ARAP2: variants seen among roughly 807,000 people sequenced by gnomAD.
ARAP2 encodes ArfGAP with RhoGAP domain, ankyrin repeat and PH domain 2.
In ARAP2, 148 loss-of-function variants were observed where a neutral mutation model predicts 194.5. The observed-to-expected ratio is 0.76, with a 90% CI of 0.67 to 0.87. The LOEUF (loss-of-function observed/expected upper bound fraction) is 0.87. ARAP2 is among the 40% of genes least tolerant of loss of function. The pLI is 0.00. For synonymous variants in ARAP2, 695 were observed against 683.5 expected, an observed-to-expected ratio of 1.02 and a Z score of -0.26; for missense variants, 2,128 against 1,989.7, an observed-to-expected ratio of 1.07 and a Z score of -1.32.
chr4:36,068,026 T>C lies in ARAP2; in HGVS notation c.4996A>G (p.Lys1666Glu). 3.1e-6 allele frequency: 5 copies of C among 1,614,198 alleles called. No homozygotes were observed. Among genetic ancestry groups the C allele is most frequent in the Non-Finnish European group, 4.2e-6 (5 of 1,180,006 alleles). Residue 1666 changes from lysine (K) to glutamate (E), a missense_variant, in exon 33 of 33, where the codon AAA becomes GAA. By Grantham distance (56) the Lys-to-Glu change is moderately conservative (BLOSUM62 1). Transcript: ENST00000303965. The stretch of plus-strand genomic sequence containing the variant: ...TTATGATCAGAGTCCAAAGTAGCTT[T>C]GCTATTCCTGTCCTCAGTCTTCCTC... ...TLRKTEDRNS[K>E]ATLDSDHKLP...
At chr4:36,093,158 A>G (rs1193399796) in intron 27 of ARAP2, among the ~76,000 whole-genome samples, 1 of 152,042 alleles carries the variant, frequency 6.6e-6, no homozygotes, top group Non-Finnish European at 1.5e-5. Context: ...AAATGATGAG[A>G]ACACGTGGAC....
At chr4:36,231,268 G>A (rs933517381) in intron 1 of ARAP2, among the ~76,000 whole-genome samples, 12 of 152,076 alleles carry the variant, frequency 7.9e-5, no homozygotes, top group Admixed American at 5.9e-4. Flanking sequence ...CTTGGGAGGC[G>A]GAGGTTGCAG....
chr4:36,104,125 T>C (rs547976170), intron 27 of ARAP2, among the ~76,000 whole-genome samples: 334 of 152,050 alleles, frequency 2.2e-3, no homozygotes, highest in Admixed American at 5.9e-3. Context: ...AGGGCAACTC[T>C]ATGTTTTAAC....
Position 36,228,609 on chromosome 4 carries a change from G to A in ARAP2, c.878C>T (p.Pro293Leu). ...CCCAGAAACTCCTTTTGTTGACCCT[G>A]GAATCTCTGGTACAGGTCGATGTCT... The part of the protein sequence containing the change: ...LLRHRPVPEI[P>L]GSTKGVSGSY... The change falls in exon 2 of 33, where the codon CCA (proline) becomes CTA (leucine). Residue 293 changes from proline (P) to leucine (L), a missense_variant. Physicochemically the swap from Pro to Leu is moderately conservative, Grantham distance 98 (BLOSUM62 -3). Coordinates refer to ENST00000303965, the MANE Select transcript of ARAP2 (RefSeq NM_015230.4). The A allele has an allele frequency of 6.2e-7, 1 of 1,605,116 alleles. No individual in the cohort carries two copies. The highest frequency in any genetic ancestry group is 8.5e-7 in the Non-Finnish European group (1 of 1,174,786).
At chr4:36,174,379 TTA>T (rs1737344479) in intron 9 of ARAP2, among the ~76,000 whole-genome samples, 1 of 152,168 alleles carries the variant, frequency 6.6e-6, no homozygotes, top group African/African-American at 2.4e-5. Context: ...GACATTTAAT[TTA>T]TGTGATATTA....
At chr4:36,196,430 C>T (rs1012760217) in intron 6 of ARAP2, among the ~76,000 whole-genome samples, 6 of 152,220 alleles carry the variant, frequency 3.9e-5, no homozygotes, top group Admixed American at 1.3e-4. Context: ...CACCCTACCA[C>T]TGGCTCTCTG....
chr4:36,110,370 G>C (rs957410811), intron 26 of ARAP2, among the ~76,000 whole-genome samples: 4 of 151,858 alleles, frequency 2.6e-5, no homozygotes, highest in Non-Finnish European at 5.9e-5. Flanking sequence ...ATCATAGTAG[G>C]TATGAGGAAG....
At chr4:36,017,147 A>G (rs980864356) in intron 6 of ARAP2, among the ~76,000 whole-genome samples, 11 of 151,808 alleles carry the variant, frequency 7.2e-5, no homozygotes, top group Admixed American at 2.6e-4. Context: ...CATGAAACTC[A>G]TATTCAAATA....
chr4:36,164,639 C>T (rs1454374176), intron 11 of ARAP2, among the ~76,000 whole-genome samples: 2 of 152,164 alleles, frequency 1.3e-5, no homozygotes, highest in African/African-American at 4.8e-5. Context: ...AACATACTCA[C>T]CTAAAATCTA....
intron 10 of ARAP2, chr4:36,005,606 CT>C (rs1269891953): frequency 3.9e-5 from 6 of 152,058 alleles, no homozygotes; most frequent in Non-Finnish European, 7.4e-5. Context: ...ACAAATGAGG[CT>C]AGTCAAAATT....
intron 17 of ARAP2, among the ~76,000 whole-genome samples, chr4:36,148,001 A>C (rs765907019): frequency 1.2e-4 from 19 of 152,156 alleles, no homozygotes; most frequent in Non-Finnish European, 2.4e-4. Context: ...CATTCTCTTA[A>C]CTGATTTGTG....
At position 36,067,736 on chromosome 4, in the gene ARAP2, CA is replaced by C; in HGVS notation, c.*170del. 1 of 604,636 alleles carries C rather than the reference CA, an allele frequency of 1.7e-6. No individual in the cohort carries two copies. The highest frequency in any genetic ancestry group is 2.6e-6 in the Non-Finnish European group (1 of 377,646). 37.5% of individuals were successfully genotyped at this position (604,636 alleles called of 1,614,324 possible). On this transcript the variant is annotated 3_prime_UTR_variant, in exon 33 of 33. Transcript: ENST00000303965. ...ACCAAAATAAAGTTAATCTTACATT[CA>C]GTCACATATATACATATTTTTAAAT...
At chr4:36,231,370 T>TA (rs1560729828) in intron 1 of ARAP2, among the ~76,000 whole-genome samples, 2 of 151,786 alleles carry the variant, frequency 1.3e-5, no homozygotes, top group Admixed American at 6.6e-5. Flanking sequence ...TAAAAAATTT[T>TA]AAAAAAAGAA....
intron 1 of ARAP2, among the ~76,000 whole-genome samples, chr4:36,060,043 C>A (rs911312688): frequency 6.6e-6 from 1 of 152,090 alleles, no homozygotes; most frequent in Non-Finnish European, 1.5e-5. Context: ...AAGATGAGAT[C>A]CTCCCCAGTG....
chr4:36,173,233 A>G (rs529741659), intron 9 of ARAP2, among the ~76,000 whole-genome samples: 2 of 152,168 alleles, frequency 1.3e-5, no homozygotes, highest in African/African-American at 2.4e-5. Flanking sequence ...ATGGAAACCA[A>G]CGCCAATTGT....
chr4:36,056,923 G>C (rs1723611694), intron 2 of ARAP2, among the ~76,000 whole-genome samples: 1 of 151,124 alleles, frequency 6.6e-6, no homozygotes, highest in Non-Finnish European at 1.5e-5. Context: ...TCATCATTTA[G>C]TACAGTCAAT....
intron 8 of ARAP2, among the ~76,000 whole-genome samples, chr4:36,184,740 G>A (rs1740124142): frequency 6.6e-6 from 1 of 152,168 alleles, no homozygotes; most frequent in African/African-American, 2.4e-5. Flanking sequence ...AAATTCATTT[G>A]GAGAGTCCAA....
chr4:36,213,978 T>C (rs1388946274), intron 3 of ARAP2, among the ~76,000 whole-genome samples: 1 of 152,176 alleles, frequency 6.6e-6, no homozygotes, highest in Non-Finnish European at 1.5e-5. Context: ...TCAAAAAGAA[T>C]GTTCCCAAAC....
intron 6 of ARAP2, among the ~76,000 whole-genome samples, chr4:36,209,101 C>T (rs537201569): frequency 4.8e-4 from 73 of 152,158 alleles, no homozygotes; most frequent in Middle Eastern, 3.4e-3. Context: ...AAACCACAGC[C>T]GCTGGGGGCT....
Sources: allele counts gnomAD v4.1 joint callset (sites outside exome capture counted in the v4.1 genomes callset), GRCh38; gene constraint gnomAD v4.1.1; transcripts MANE v1.5; gene names NCBI Gene and HGNC (gene_info 2026-07-23, HGNC 2026-07-21).